Variants in FBH1 observed in about 807,000 individuals in gnomAD.
The protein encoded by FBH1 is F-box DNA helicase 1.
FBH1 carries 43 observed loss-of-function variants against 115.5 expected under a neutral mutation model. The ratio of observed to expected loss-of-function variants is 0.37; its 90% CI spans 0.29 to 0.48. The LOEUF (loss-of-function observed/expected upper bound fraction) is 0.48, where lower values mean the gene tolerates loss of function less well. FBH1 is among the 20% of genes least tolerant of loss of function. FBH1 has a pLI of 0.99. For synonymous variants in FBH1, 524 were observed against 507.8 expected, an observed-to-expected ratio of 1.03 and a Z score of -0.43; for missense variants, 1,001 against 1,337.3, an observed-to-expected ratio of 0.75 and a Z score of 3.92.
At chr10:5,903,591 A>G (rs1843505531) in intron 2 of FBH1, among the ~76,000 whole-genome samples, 1 of 151,632 alleles carries the variant, frequency 6.6e-6, no homozygotes, top group Non-Finnish European at 1.5e-5. Flanking sequence ...GGCCTCCCAA[A>G]CTGCTGGGAT....
intron 1 of FBH1, chr10:5,893,965 T>C (rs947703224): frequency 1.0e-6 from 1 of 984,170 alleles, no homozygotes; most frequent in Admixed American, 6.1e-5. Context: ...AAACATTCCT[T>C]TCTTTCTTTA....
intron 19 of FBH1, among the ~76,000 whole-genome samples, chr10:5,930,397 C>T (rs1366526512): frequency 6.6e-6 from 1 of 152,220 alleles, no homozygotes; most frequent in Non-Finnish European, 1.5e-5. Flanking sequence ...TAAACTGGGT[C>T]ATTCGTCCTA....
chr10:5,905,316 C>T (rs1221614486), intron 2 of FBH1: 3 of 152,212 alleles, frequency 2.0e-5, no homozygotes, highest in Non-Finnish European at 4.4e-5. Flanking sequence ...GTCAGGAGTT[C>T]TAGGCCAGCC....
intron 9 of FBH1, 173 bp from the exon 10 acceptor site, chr10:5,916,061 C>T (rs1831915212): frequency 1.6e-6 from 1 of 622,048 alleles, no homozygotes; most frequent in Admixed American, 2.9e-5. Flanking sequence ...GTCCTGAAAG[C>T]CATTTCCAGT....
At position 5,923,575 on chromosome 10, in the gene FBH1, C is replaced by CA. The variant is rs776788363; in HGVS notation, c.2323-40dup. ...TAAAGCAACAACAAACAAAACAAAACAAAAAACAACAAAAAAACAAAAATC... is the reference window on the plus strand; with the variant it reads ...TAAAGCAACAACAAACAAAACAAAACAAAAAAACAACAAAAAAACAAAAATC... On this transcript the variant is annotated intron_variant, in intron 15 of 20. Transcript: ENST00000362091. This position sits in a 1 kb window ranked among gnomAD's most constrained non-coding sequence, Gnocchi z 5.7. 2.0e-6 allele frequency: 3 copies of CA among 1,522,942 alleles called. No homozygotes were observed. Among genetic ancestry groups the CA allele is most frequent in the South Asian group, 1.2e-5 (1 of 86,406 alleles). The allele number at this position is 1,522,942 out of a possible 1,614,324, so 94.3% of individuals were successfully genotyped here.
At position 5,927,487 on chromosome 10, in the gene FBH1, C is replaced by T; in HGVS notation, c.2775C>T (p.Ala925=). Reference sequence around the variant, plus strand: ...TACTGTATGTTGCAGTAACTCGAGCCAAGAAGCGTCTCATCATGACCAAAT... The same window carrying T: ...TACTGTATGTTGCAGTAACTCGAGCTAAGAAGCGTCTCATCATGACCAAAT... ...WNLLYVAVTR[A]KKRLIMTKSL... The change falls in exon 19 of 21, where the codon GCC becomes GCT. Residue 925 remains alanine (A), a synonymous_variant. Transcript: ENST00000362091. The T allele has an allele frequency of 6.2e-7, 1 of 1,613,806 alleles. No individual in the cohort carries two copies. The highest frequency in any genetic ancestry group is 8.5e-7 in the Non-Finnish European group (1 of 1,179,978).
At position 5,916,176 on chromosome 10, in the gene FBH1, G is replaced by A. The variant is rs929676785; in HGVS notation, c.1566-58G>A. On this transcript the variant is annotated intron_variant, in intron 9 of 20. Transcript: ENST00000362091. ...TGACATTAGAGAGAATGGAGGGGAC[G>A]TTCAATAGCACCAAGCCAGGAGAGC... is the stretch of plus-strand genomic sequence containing the variant. 16 of 1,458,300 alleles carry A rather than the reference G, an allele frequency of 1.1e-5. No homozygotes were observed. In the African/African-American group the frequency reaches 2.0e-4, roughly 18 times the overall value. The allele number at this position is 1,458,300 out of a possible 1,614,324, so 90.3% of individuals were successfully genotyped here.
chr10:5,895,248 GC>G lies in FBH1; in HGVS notation c.1+4903del, dbSNP rs774933780. On this transcript the variant is annotated intron_variant, in intron 1 of 20. Coordinates refer to ENST00000362091, the MANE Select transcript of FBH1 (RefSeq NM_178150.3). This position sits in a 1 kb window ranked among gnomAD's most constrained non-coding sequence, Gnocchi z 5.0. ...GCTGACTCCAAAATTGTCCAGATTAGCAAAACTGCCCTCTGTGGATCTTTGT... is the reference window on the plus strand; with the variant it reads ...GCTGACTCCAAAATTGTCCAGATTAGAAAACTGCCCTCTGTGGATCTTTGT... 2.2e-5 allele frequency: 34 copies of G among 1,550,852 alleles called. No homozygotes were observed. Among genetic ancestry groups the G allele is most frequent in the Non-Finnish European group, 2.5e-5 (29 of 1,141,338 alleles).
rs1589082689 is a variant in FBH1 at position 5,913,905 on chromosome 10, G to A, written c.1304+66G>A. On this transcript the variant is annotated intron_variant, in intron 7 of 20. Transcript: ENST00000362091. The surrounding 1 kb of genome is among the most constrained non-coding windows in gnomAD (Gnocchi z 4.4). ...CGACTCTTCCTCATACTTAAGGAGG[G>A]AGATGTTTTGCTTCACTTTAGCAAC... 2 of 1,257,578 alleles carry A rather than the reference G, an allele frequency of 1.6e-6. No homozygotes were observed. Among genetic ancestry groups the A allele is most frequent in the East Asian group, 2.3e-5 (1 of 43,036 alleles). The allele number at this position is 1,257,578 out of a possible 1,614,324, so 77.9% of individuals were successfully genotyped here. A position where few individuals can be genotyped will look rare whatever the true frequency, so the allele number is the denominator to read the frequency against.
At chr10:5,904,429 G>A (rs1170685626) in intron 2 of FBH1, among the ~76,000 whole-genome samples, 1 of 152,196 alleles carries the variant, frequency 6.6e-6, no homozygotes, top group Non-Finnish European at 1.5e-5. Context: ...GTCTGATACT[G>A]AGTTTGTTCC....
chr10:5,913,617 T>C lies in FBH1; in HGVS notation c.1212-130T>C, dbSNP rs990248855. The C allele has an allele frequency of 1.8e-5, 11 of 612,304 alleles. No individual in the cohort carries two copies. The East Asian group carries it at 3.1e-4, about 17-fold the overall frequency. The allele number at this position is 612,304 out of a possible 1,614,324, so 37.9% of individuals were successfully genotyped here. On this transcript the variant is annotated intron_variant, in intron 6 of 20. Transcript: ENST00000362091. The surrounding 1 kb of genome is among the most constrained non-coding windows in gnomAD (Gnocchi z 4.4). ...ATATATTTAAATCCTTTTCTTTCTTTTTTCCATTAAATGGTGGTAGGTATT... is the reference window on the plus strand; with the variant it reads ...ATATATTTAAATCCTTTTCTTTCTTCTTTCCATTAAATGGTGGTAGGTATT...
chr10:5,914,074 C>A lies in FBH1; in HGVS notation c.1305-104C>A. 1 of 1,150,840 alleles carries A rather than the reference C, an allele frequency of 8.7e-7. No individual in the cohort carries two copies. Among genetic ancestry groups the A allele is most frequent in the South Asian group, 1.4e-5 (1 of 72,192 alleles). The allele number at this position is 1,150,840 out of a possible 1,614,324, so 71.3% of individuals were successfully genotyped here. Reference sequence around the variant, plus strand: ...CGTAAGGGGAGGCCTTTTTTTTGGTCAGCTTTTGTTTATCCAGTTTGTATG... The same window carrying A: ...CGTAAGGGGAGGCCTTTTTTTTGGTAAGCTTTTGTTTATCCAGTTTGTATG... On this transcript the variant is annotated intron_variant, in intron 7 of 20. Coordinates refer to ENST00000362091, the MANE Select transcript of FBH1 (RefSeq NM_178150.3). The surrounding 1 kb of genome is among the most constrained non-coding windows in gnomAD (Gnocchi z 5.2).
At chr10:5,934,011 T>C (rs1833145826) in intron 19 of FBH1, among the ~76,000 whole-genome samples, 1 of 152,152 alleles carries the variant, frequency 6.6e-6, no homozygotes, top group Non-Finnish European at 1.5e-5. Context: ...GTTTCAGAAG[T>C]GTCGAGTCCA....
rs1832103696 is a variant in FBH1, at chr10:5,918,386, G to A, written c.2008G>A (p.Val670Ile). The change falls in exon 13 of 21, where the codon GTA (valine) becomes ATA (isoleucine). Residue 670 changes from valine to isoleucine, a missense_variant. Coordinates refer to ENST00000362091, the MANE Select transcript of FBH1 (RefSeq NM_178150.3). This position sits in a 1 kb window ranked among gnomAD's most constrained non-coding sequence, Gnocchi z 4.0. ...GTCTCAGCCATGTGGGAAAATCTTT[G>A]TAGGGGACCCGCACCAGCAGATCTA... ...VLSQPCGKIF[V>I]GDPHQQIYTF... 3.7e-6 allele frequency: 6 copies of A among 1,613,454 alleles called. No individual in the cohort carries two copies. Among genetic ancestry groups the A allele is most frequent in the Non-Finnish European group, 5.1e-6 (6 of 1,179,874 alleles).
chr10:5,904,174 GGC>G (rs1843551204), intron 2 of FBH1, among the ~76,000 whole-genome samples: 2 of 152,036 alleles, frequency 1.3e-5, no homozygotes, highest in Middle Eastern at 3.4e-3. Context: ...GGGACTTACA[GGC>G]GCGCGCCACC....
chr10:5,890,072 A>G (rs1328204730), upstream of FBH1: 1 of 303,780 alleles, frequency 3.3e-6, no homozygotes, highest in East Asian at 5.1e-5. Context: ...CCGCGCCCCC[A>G]CCGATTGCGC....
Position 5,915,641 on chromosome 10 carries a change from A to ATCACTGTGGTGTAAGC in FBH1, c.1565+74_1565+75insTGTGGTGTAAGCTCAC. On this transcript the variant is annotated intron_variant, in intron 9 of 20. Transcript: ENST00000362091. This position sits in a 1 kb window ranked among gnomAD's most constrained non-coding sequence, Gnocchi z 5.2. The stretch of plus-strand genomic sequence containing the variant: ...CGCGTCTTACTGTTTTCCCGTGACG[A>ATCACTGTGGTGTAAGC]TCACATGTGAGCTTACACCACAGTG... 2 of 1,447,574 alleles carry ATCACTGTGGTGTAAGC rather than the reference A, an allele frequency of 1.4e-6. No homozygotes were observed. The highest frequency in any genetic ancestry group is 1.4e-5 in the African/African-American group (1 of 72,112). The allele number at this position is 1,447,574 out of a possible 1,614,324, so 89.7% of individuals were successfully genotyped here. A position where few individuals can be genotyped will look rare whatever the true frequency, so the allele number is the denominator to read the frequency against.
rs777278281 is a variant in FBH1, at chr10:5,911,046, A to G, written c.1129A>G (p.Met377Val). 5.6e-6 allele frequency: 9 copies of G among 1,613,368 alleles called. No homozygotes were observed. The highest frequency in any genetic ancestry group is 1.1e-5 in the South Asian group (1 of 91,078). The change falls in exon 6 of 21, where the codon ATG becomes GTG. Residue 377 changes from methionine to valine, a missense_variant. By Grantham distance (21) the Met-to-Val change is conservative. This residue lies in a region of FBH1 where 59 missense variants were observed against 79.7 expected (regional missense o/e 0.74). Transcript: ENST00000362091. This position sits in a 1 kb window ranked among gnomAD's most constrained non-coding sequence, Gnocchi z 5.4. ...CCGGAGACCCAGCTCCACGGTGACC[A>G]TGCCAGATGTCACCGAGACCCTGTA... is the stretch of plus-strand genomic sequence containing the variant. ...CLRRPSSTVT[M>V]PDVTETLYCI...
rs897302681 is a variant in FBH1 at position 5,921,975 on chromosome 10, A to G, written c.2322+406A>G. Among the ~76,000 whole-genome samples the G allele has an allele frequency of 1.3e-5, 2 of 152,216 alleles. No homozygotes were observed. On this transcript the variant is annotated intron_variant, in intron 15 of 20. Transcript: ENST00000362091. This position sits in a 1 kb window ranked among gnomAD's most constrained non-coding sequence, Gnocchi z 6.4. ...CACTAACCGTGTGTGGCTTGGGGCA[A>G]GTCACAACTTCTGTATGCCTCATTC... is the stretch of plus-strand genomic sequence containing the variant.
Sources: gnomAD v4.1 joint callset for allele counts (sites outside exome capture counted in the v4.1 genomes callset) on GRCh38, gnomAD v4.1.1 for gene constraint, gnomAD v4.1.1 regional missense constraint, Gnocchi (gnomAD v3.1) non-coding constraint, MANE v1.5 for transcripts, NCBI Gene and HGNC (gene_info 2026-07-23, HGNC 2026-07-21) for gene names.